ASB17: variants seen among roughly 807,000 people sequenced by gnomAD.
The protein encoded by ASB17 is ankyrin repeat and SOCS box containing 17.
In ASB17, 26 loss-of-function variants were observed where a neutral mutation model predicts 25.7. That is an observed-to-expected ratio of 1.01 (90% CI 0.74 to 1.40). ASB17 has a LOEUF of 1.40. Among genes scored for constraint, ASB17 ranks in the 40% most tolerant of loss-of-function variants. ASB17 has a pLI of 0.00. For synonymous variants in ASB17, 128 were observed against 121.4 expected (o/e 1.05, Z -0.36); for missense variants, 326 against 338.5 (o/e 0.96, Z 0.29).
intron 1 of ASB17, 84 bp downstream of exon 1, chr1:75,931,807 A>G (rs1296096890): frequency 2.3e-6 from 3 of 1,282,442 alleles, no homozygotes; most frequent in East Asian, 4.8e-5. Context: ...GCCACTATAC[A>G]TGTGAGTTTT....
At chr1:75,922,670 A>G (rs1653065201) in intron 1 of ASB17, among the ~76,000 whole-genome samples, 1 of 151,264 alleles carries the variant, frequency 6.6e-6, no homozygotes, top group African/African-American at 2.4e-5. Flanking sequence ...CTAATTTTGT[A>G]TTTTTAGTAG....
At position 75,932,005 on chromosome 1, in the gene ASB17, G is replaced by T. The variant is rs2100617957; in HGVS notation, c.287C>A (p.Thr96Lys). ...TCTGGCAAAAACCCAGTACAGAATT[G>T]TATTCACACATATTTCAGTGAAGTC... is the stretch of plus-strand genomic sequence containing the variant. ...NLDFTEICVN[T>K]ILYWVFARKG... Residue 96 changes from threonine to lysine, a missense_variant, in exon 1 of 3, where the codon ACA becomes AAA. Thr to Lys is a moderately conservative substitution (Grantham distance 78). Coordinates refer to ENST00000284142, the MANE Select transcript of ASB17 (RefSeq NM_080868.3). 1 of 1,614,058 alleles carries T rather than the reference G, an allele frequency of 6.2e-7. No individual in the cohort carries two copies. The highest frequency in any genetic ancestry group is 1.7e-5 in the Admixed American group (1 of 60,006).
chr1:75,918,886 A>G lies in ASB17; in HGVS notation c.*66T>C. 1 of 1,318,640 alleles carries G rather than the reference A, an allele frequency of 7.6e-7. No homozygotes were observed. Among genetic ancestry groups the G allele is most frequent in the Non-Finnish European group, 1.1e-6 (1 of 924,454 alleles). 81.7% of individuals were successfully genotyped at this position (1,318,640 alleles called of 1,614,324 possible). ...TGCAATAAAAACTTACATGAAGTGAATTTTTATTAACTTCTAAGCCATACA... is the reference window on the plus strand; with the variant it reads ...TGCAATAAAAACTTACATGAAGTGAGTTTTTATTAACTTCTAAGCCATACA... On this transcript the variant is annotated 3_prime_UTR_variant, in exon 3 of 3. Coordinates refer to ENST00000284142, the MANE Select transcript of ASB17 (RefSeq NM_080868.3).
intron 1 of ASB17, among the ~76,000 whole-genome samples, chr1:75,924,937 A>G (rs1289837735): frequency 6.6e-6 from 1 of 151,936 alleles, no homozygotes; most frequent in African/African-American, 2.4e-5. Flanking sequence ...GTACCTACCT[A>G]CATTAAATTT....
chr1:75,922,900 T>C (rs1226820968), intron 1 of ASB17, among the ~76,000 whole-genome samples: 1 of 152,094 alleles, frequency 6.6e-6, no homozygotes, highest in African/African-American at 2.4e-5. Context: ...ATTGTAAAAA[T>C]AAAAAAAAAC....
rs904628695 is a variant in ASB17 at position 75,930,896 on chromosome 1, A to T, written c.401+995T>A. On this transcript the variant is annotated intron_variant, in intron 1 of 2. Transcript: ENST00000284142. ...GATCTCTGCTGTAGTTACAAATATA[A>T]TGGTTACTTAAAACACAAAGTACCA... Among the ~76,000 whole-genome samples, 3 of 152,178 alleles carry T rather than the reference A, an allele frequency of 2.0e-5. No individual in the cohort carries two copies. In the South Asian group the frequency reaches 6.2e-4, roughly 32 times the overall value.
intron 2 of ASB17, among the ~76,000 whole-genome samples, chr1:75,920,045 G>T (rs1474079501): frequency 2.6e-5 from 4 of 152,154 alleles, no homozygotes; most frequent in African/African-American, 9.7e-5. Flanking sequence ...TTATCTGGGA[G>T]ACTGTAAAAA....
intron 1 of ASB17, among the ~76,000 whole-genome samples, chr1:75,924,952 C>A (rs566800758): frequency 2.3e-4 from 35 of 152,112 alleles, no homozygotes; most frequent in Middle Eastern, 3.4e-3. Context: ...AAATTTGTAT[C>A]TTTTGGAAAA....
intron 1 of ASB17, among the ~76,000 whole-genome samples, chr1:75,928,419 T>C (rs1323926993): frequency 2.6e-5 from 4 of 152,182 alleles, no homozygotes; most frequent in Non-Finnish European, 5.9e-5. Flanking sequence ...CATTTAGATG[T>C]TTTTTGCAGA....
chr1:75,920,441 A>G (rs1276140323), intron 2 of ASB17, among the ~76,000 whole-genome samples: 2 of 152,214 alleles, frequency 1.3e-5, no homozygotes, highest in Non-Finnish European at 1.5e-5. Context: ...GCATTGTGAT[A>G]GGTGCTTGGG....
intron 1 of ASB17, among the ~76,000 whole-genome samples, chr1:75,923,513 A>T (rs183505834): frequency 6.6e-6 from 1 of 152,294 alleles, no homozygotes; most frequent in African/African-American, 2.4e-5. Context: ...AGCAAGCCAT[A>T]ATTTTGCCAA....
At chr1:75,930,813 G>C (rs911900813) in intron 1 of ASB17, among the ~76,000 whole-genome samples, 1 of 151,940 alleles carries the variant, frequency 6.6e-6, no homozygotes, top group Non-Finnish European at 1.5e-5. Context: ...GACCTTCCAG[G>C]GCTGTAGACA....
At chr1:75,924,612 T>A (rs1187284687) in intron 1 of ASB17, among the ~76,000 whole-genome samples, 1 of 152,140 alleles carries the variant, frequency 6.6e-6, no homozygotes, top group Non-Finnish European at 1.5e-5. Context: ...TATTATTTCC[T>A]GTATCTCTCG....
intron 1 of ASB17, among the ~76,000 whole-genome samples, chr1:75,926,243 A>C (rs1571017042): frequency 6.6e-6 from 1 of 152,236 alleles, no homozygotes; most frequent in Non-Finnish European, 1.5e-5. Context: ...GTAAACAAGC[A>C]AATTTTATGT....
At position 75,922,006 on chromosome 1, in the gene ASB17, T is replaced by C. The variant is rs1653038223; in HGVS notation, c.681+74A>G. 4.7e-6 allele frequency: 6 copies of C among 1,268,422 alleles called. No homozygotes were observed. In the South Asian group the frequency reaches 7.6e-5, roughly 16 times the overall value. 78.6% of individuals were successfully genotyped at this position (1,268,422 alleles called of 1,614,324 possible). On this transcript the variant is annotated intron_variant, in intron 2 of 2. Coordinates refer to ENST00000284142, the MANE Select transcript of ASB17 (RefSeq NM_080868.3). ...TATTCTATAAATTAAAAATTAACTG[T>C]ATTCTTTCCTTTACAGTTGAATCTT...
chr1:75,931,392 A>T (rs1653317876), intron 1 of ASB17, among the ~76,000 whole-genome samples: 1 of 152,190 alleles, frequency 6.6e-6, no homozygotes, highest in South Asian at 2.1e-4. Context: ...TATCGATAGC[A>T]TCAGGTACTT....
At position 75,921,307 on chromosome 1, in the gene ASB17, G is replaced by GA. The variant is rs567422155; in HGVS notation, c.681+772dup. ...TCATATTCACTGCTGAGGCACTGAA[G>GA]AAAAAAAAACAGTGGAGTTATATCT... On this transcript the variant is annotated intron_variant, in intron 2 of 2. Transcript: ENST00000284142. Among the ~76,000 whole-genome samples, 414 of 150,576 alleles carry GA rather than the reference G, an allele frequency of 2.7e-3. 1 individual carries two copies. Among genetic ancestry groups the GA allele is most frequent in the Non-Finnish European group, 4.2e-3 (281 of 67,560 alleles).
At chr1:75,919,427 G>A in intron 2 of ASB17, among the ~76,000 whole-genome samples, 1 of 151,578 alleles carries the variant, frequency 6.6e-6, no homozygotes, top group Non-Finnish European at 1.5e-5. Context: ...GGGTACATGT[G>A]CACAATGTGC....
rs574736873 is a variant in ASB17, at chr1:75,932,169, G to A, written c.123C>T (p.His41=). The change falls in exon 1 of 3, where the codon CAC becomes CAT. Residue 41 remains histidine, a synonymous_variant. Coordinates refer to ENST00000284142, the MANE Select transcript of ASB17 (RefSeq NM_080868.3). The part of the protein sequence containing the change: ...SLQFLGQWGY[H]CYEPRIYRSL... Reference sequence around the variant, plus strand: ...ATCTGTAAATCCTTGGTTCGTAACAGTGATATCCCCACTGACCCAAAAACT... The same window carrying A: ...ATCTGTAAATCCTTGGTTCGTAACAATGATATCCCCACTGACCCAAAAACT... 17 of 1,614,142 alleles carry A rather than the reference G, an allele frequency of 1.1e-5. No individual in the cohort carries two copies. The highest frequency in any genetic ancestry group is 2.2e-5 in the East Asian group (1 of 44,868).
Sources: gnomAD v4.1 joint callset for allele counts (sites outside exome capture counted in the v4.1 genomes callset) on GRCh38, gnomAD v4.1.1 for gene constraint, MANE v1.5 for transcripts, NCBI Gene and HGNC (gene_info 2026-07-23, HGNC 2026-07-21) for gene names.